DCHS2: variants seen among roughly 807,000 people sequenced by gnomAD.
DCHS2 encodes the protein dachsous cadherin-related 2, also known as protocadherin-23.
In DCHS2, 142 loss-of-function variants were observed where a neutral mutation model predicts 182.4. The observed-to-expected ratio is 0.78, with a 90% CI of 0.68 to 0.89. DCHS2 has a LOEUF of 0.89. Among genes scored for constraint, DCHS2 ranks in the 40% least tolerant of loss-of-function variants. The pLI is 0.00. For synonymous variants in DCHS2, 1,740 were observed against 1,663.3 expected, an observed-to-expected ratio of 1.05 and a Z score of -1.12; for missense variants, 4,319 against 4,198.6, an observed-to-expected ratio of 1.03 and a Z score of -0.79.
chr4:154,335,343 G>A (rs1444940178), intron 3 of DCHS2, among the ~76,000 whole-genome samples: 2 of 152,154 alleles, frequency 1.3e-5, no homozygotes, highest in Admixed American at 1.3e-4. Context: ...CCTAATGTGG[G>A]CAGGCCTGGT....
chr4:154,246,795 G>A, intron 16 of DCHS2, among the ~76,000 whole-genome samples: 1 of 151,726 alleles, frequency 6.6e-6, no homozygotes, highest in East Asian at 1.9e-4. Flanking sequence ...AATTTTAGAA[G>A]ATTAAAATTC....
At chr4:154,394,583 A>C (rs1472255390) in intron 1 of DCHS2, among the ~76,000 whole-genome samples, 1 of 152,130 alleles carries the variant, frequency 6.6e-6, no homozygotes, top group East Asian at 1.9e-4. Context: ...CAGTTCCAAG[A>C]CTGGTTAATT....
chr4:154,465,162 C>T (rs1167522200), intron 1 of DCHS2, among the ~76,000 whole-genome samples: 3 of 152,140 alleles, frequency 2.0e-5, no homozygotes, highest in Admixed American at 2.0e-4. Context: ...TTCAGGACTT[C>T]CAACAGGCTG....
chr4:154,274,935 G>A (rs1393463910), intron 13 of DCHS2, among the ~76,000 whole-genome samples: 1 of 151,826 alleles, frequency 6.6e-6, no homozygotes, highest in Non-Finnish European at 1.5e-5. Context: ...CAAGATCTTT[G>A]CTGAGCCATC....
intron 1 of DCHS2, among the ~76,000 whole-genome samples, chr4:154,427,499 C>T (rs149059106): frequency 2.0e-5 from 3 of 152,220 alleles, no homozygotes; most frequent in Non-Finnish European, 4.4e-5. Context: ...AACCCCAGAG[C>T]CACCCTGAAC....
chr4:154,361,187 G>A (rs1730102477), intron 3 of DCHS2, among the ~76,000 whole-genome samples: 1 of 152,022 alleles, frequency 6.6e-6, no homozygotes, highest in Admixed American at 6.6e-5. Flanking sequence ...AGATAGTTTG[G>A]GATGAAAATA....
At chr4:154,355,446 T>C (rs1456862350) in intron 3 of DCHS2, 2 of 152,236 alleles carry the variant, frequency 1.3e-5, no homozygotes, top group Non-Finnish European at 2.9e-5. Flanking sequence ...CCCAGAAAAC[T>C]CAGAAATAAT....
At chr4:154,268,572 C>T (rs1733414156) in intron 14 of DCHS2, among the ~76,000 whole-genome samples, 1 of 152,044 alleles carries the variant, frequency 6.6e-6, no homozygotes, top group African/African-American at 2.4e-5. Flanking sequence ...ATTTTTGGGC[C>T]ATGGTTGACC....
At chr4:154,271,546 G>A (rs1178048427) in intron 13 of DCHS2, among the ~76,000 whole-genome samples, 1 of 152,142 alleles carries the variant, frequency 6.6e-6, no homozygotes, top group Non-Finnish European at 1.5e-5. Context: ...AGGCAAACCA[G>A]GTAGGGCAGC....
chr4:154,322,216 CAT>C, intron 8 of DCHS2, 113 bp downstream of exon 8: 1 of 1,368,004 alleles, frequency 7.3e-7, no homozygotes, highest in Non-Finnish European at 1.0e-6. Flanking sequence ...ATTCATGTAA[CAT>C]ACATACATAT....
chr4:154,489,841 A>C lies in DCHS2; in HGVS notation c.1515T>G (p.Tyr505Ter). ...CGTCCGTGGCCACCAGTAGTAACTC[A>C]TACAGATCGCGGCTCTCTCTGTCCA... Reference protein sequence around the residue: ...GPLDRESRDLYELLLVATDAG... With the variant: ...GPLDRESRDL Residue 505 changes from tyrosine (Y) to a stop codon, truncating the protein, a stop_gained, in exon 1 of 20, where the codon TAT becomes TAG. Transcript: ENST00000357232. LOFTEE classifies it high-confidence loss of function. The C allele has an allele frequency of 6.5e-7, 1 of 1,549,880 alleles. No homozygotes were observed. Among genetic ancestry groups the C allele is most frequent in the East Asian group, 2.5e-5 (1 of 40,804 alleles).
At chr4:154,428,537 T>G (rs949158125) in intron 1 of DCHS2, among the ~76,000 whole-genome samples, 4 of 151,848 alleles carry the variant, frequency 2.6e-5, no homozygotes, top group African/African-American at 9.7e-5. Flanking sequence ...AGACCCTGTC[T>G]AATAAAAACA....
chr4:154,415,664 C>T (rs888785847), intron 1 of DCHS2, among the ~76,000 whole-genome samples: 1 of 152,120 alleles, frequency 6.6e-6, no homozygotes, highest in African/African-American at 2.4e-5. Context: ...CCTAAAGCTA[C>T]GGTATCTCCA....
rs185749698 is a variant in DCHS2 at position 154,247,276 on chromosome 4, G to A, written c.6942-4504C>T. Among the ~76,000 whole-genome samples, 72 of 152,206 alleles carry A rather than the reference G, an allele frequency of 4.7e-4. 1 individual carries two copies. In the East Asian group the frequency reaches 7.3e-3, roughly 16 times the overall value. ...TGGATCATAATAAGGTCAGGAGTTC[G>A]AGACCAGCCTGGCCAATTTGGTGAA... On this transcript the variant is annotated intron_variant, in intron 16 of 19. Transcript: ENST00000357232.
chr4:154,399,609 T>C (rs1470451448), intron 1 of DCHS2, among the ~76,000 whole-genome samples: 1 of 152,206 alleles, frequency 6.6e-6, no homozygotes, highest in Non-Finnish European at 1.5e-5. Context: ...CACTTGCAAG[T>C]GAACATCATC....
rs1728718376 is a variant in DCHS2, at chr4:154,489,616, T to C, written c.1740A>G (p.Val580=). The change falls in exon 1 of 20, where the codon GTA becomes GTG. Residue 580 remains valine (V), a synonymous_variant. Transcript: ENST00000357232. ...GATTGCAGGGAGCCGAGAGTTGGACTACAGTGTAGCGCAGCCAGGCGTGAT... is the reference window on the plus strand; with the variant it reads ...GATTGCAGGGAGCCGAGAGTTGGACCACAGTGTAGCGCAGCCAGGCGTGAT... ...GSDHAWLRYT[V]VQLSAPCNLG... The C allele has an allele frequency of 6.4e-7, 1 of 1,551,046 alleles. No individual in the cohort carries two copies. Among genetic ancestry groups the C allele is most frequent in the South Asian group, 1.2e-5 (1 of 84,042 alleles).
intron 10 of DCHS2, among the ~76,000 whole-genome samples, chr4:154,313,171 G>T (rs1735731031): frequency 6.6e-6 from 1 of 152,198 alleles, no homozygotes. Flanking sequence ...GGTATTCCCA[G>T]TGGGGCACCC....
At chr4:154,240,426 A>G in intron 18 of DCHS2, 111 bp downstream of exon 18, 1 of 1,346,210 alleles carries the variant, frequency 7.4e-7, no homozygotes, top group Non-Finnish European at 1.0e-6. Context: ...TAGGCACTAC[A>G]AACAGTGAAT....
At chr4:154,260,277 T>A (rs1178091774) in intron 14 of DCHS2, among the ~76,000 whole-genome samples, 1 of 152,198 alleles carries the variant, frequency 6.6e-6, no homozygotes, top group Non-Finnish European at 1.5e-5. Flanking sequence ...GGTTCAAATA[T>A]GTAGAGAGAA....
Sources: allele counts gnomAD v4.1 joint callset (sites outside exome capture counted in the v4.1 genomes callset), GRCh38; gene constraint gnomAD v4.1.1; transcripts MANE v1.5; gene names NCBI Gene and HGNC (gene_info 2026-07-23, HGNC 2026-07-21).